Variants in CPNE3 observed in about 807,000 individuals in gnomAD.
CPNE3 encodes the protein copine-3.
CPNE3 carries 68 observed loss-of-function variants against 63.9 expected under a neutral mutation model. That is an observed-to-expected ratio of 1.06 (90% confidence interval 0.87 to 1.30). CPNE3 has a LOEUF of 1.30. Among genes scored for constraint, CPNE3 ranks in the 50% most tolerant of loss-of-function variants. CPNE3 has a pLI of 0.00. For synonymous variants in CPNE3, 219 were observed against 197.5 expected, an observed-to-expected ratio of 1.11 and a Z score of -0.91; for missense variants, 665 against 578.1, an observed-to-expected ratio of 1.15 and a Z score of -1.54.
intron 15 of CPNE3, among the ~76,000 whole-genome samples, chr8:86,555,389 A>G (rs1821299327): frequency 6.6e-6 from 1 of 152,222 alleles, no homozygotes; most frequent in African/African-American, 2.4e-5. Flanking sequence ...GTGGATACCA[A>G]ATTTCTCTTA....
At chr8:86,539,619 A>C (rs1820882227) in intron 7 of CPNE3, among the ~76,000 whole-genome samples, 1 of 150,902 alleles carries the variant, frequency 6.6e-6, no homozygotes, top group Non-Finnish European at 1.5e-5. Flanking sequence ...TGTGCCCTGC[A>C]ATGAAACCCT....
intron 2 of CPNE3, among the ~76,000 whole-genome samples, chr8:86,527,122 G>T (rs184299504): frequency 5.9e-4 from 89 of 152,086 alleles, no homozygotes; most frequent in Non-Finnish European, 1.0e-3. Context: ...TGTTTCTGTG[G>T]TCCTAGAACT....
chr8:86,559,794 T>A lies in CPNE3; in HGVS notation c.*1384T>A, dbSNP rs1821398484. 1.3e-5 allele frequency: 2 copies of A among 152,256 alleles called. No individual in the cohort carries two copies. The highest frequency in any genetic ancestry group is 4.8e-5 in the African/African-American group (2 of 41,476). The allele number at this position is 152,256 out of a possible 1,614,324, so 9.4% of individuals were successfully genotyped here. ...CTATATATTGGCCAATTATCTTTAA[T>A]AATTTACCTTTTGAAATTGCATGTT... On this transcript the variant is annotated 3_prime_UTR_variant, in exon 17 of 17. Coordinates refer to ENST00000517490, the MANE Select transcript of CPNE3 (RefSeq NM_003909.5).
chr8:86,523,165 C>G (rs1051663089), intron 2 of CPNE3, among the ~76,000 whole-genome samples: 1 of 152,144 alleles, frequency 6.6e-6, no homozygotes, highest in Non-Finnish European at 1.5e-5. Context: ...TACAGACCTA[C>G]AGTTGTCAGG....
intron 2 of CPNE3, among the ~76,000 whole-genome samples, chr8:86,526,505 T>C (rs1205283666): frequency 8.4e-6 from 1 of 118,624 alleles, no homozygotes; most frequent in Non-Finnish European, 1.6e-5. Context: ...TACATATTTT[T>C]TGTTTGTTTG....
intron 8 of CPNE3, among the ~76,000 whole-genome samples, chr8:86,544,295 G>A (rs952620530): frequency 1.3e-5 from 2 of 152,064 alleles, no homozygotes; most frequent in African/African-American, 4.8e-5. Context: ...AAGTATCTAG[G>A]ATTTAATTAT....
intron 15 of CPNE3, 116 bp downstream of exon 15, chr8:86,555,100 C>A: frequency 7.1e-7 from 1 of 1,407,444 alleles, no homozygotes; most frequent in Non-Finnish European, 9.5e-7. Flanking sequence ...TACAATAACA[C>A]AGTCATTCTT....
chr8:86,550,630 A>C (rs765046325), intron 12 of CPNE3, among the ~76,000 whole-genome samples: 19 of 152,178 alleles, frequency 1.2e-4, no homozygotes, highest in Non-Finnish European at 1.8e-4. Context: ...GCATAAATAA[A>C]AGCTACCAAT....
chr8:86,537,972 C>T (rs944600735), intron 7 of CPNE3, among the ~76,000 whole-genome samples: 6 of 112,672 alleles, frequency 5.3e-5, no homozygotes, highest in Middle Eastern at 5.0e-3. Context: ...CTCTGTCTCT[C>T]TCTCTCTCTC....
At chr8:86,522,299 G>A in intron 2 of CPNE3, among the ~76,000 whole-genome samples, 1 of 151,914 alleles carries the variant, frequency 6.6e-6, no homozygotes, top group Middle Eastern at 3.2e-3. Flanking sequence ...TTTCGTTTTT[G>A]CCTCCCCCAA....
At chr8:86,534,194 T>C (rs985781121) in intron 6 of CPNE3, among the ~76,000 whole-genome samples, 6 of 152,200 alleles carry the variant, frequency 3.9e-5, no homozygotes, top group Non-Finnish European at 8.8e-5. Flanking sequence ...TATTTTCTGA[T>C]TTCTGTAACC....
At chr8:86,555,110 T>C in intron 15 of CPNE3, 126 bp downstream of exon 15, 1 of 1,354,216 alleles carries the variant, frequency 7.4e-7, no homozygotes, top group Non-Finnish European at 9.8e-7. Context: ...CAGTCATTCT[T>C]GGTTTGGGAG....
intron 8 of CPNE3, among the ~76,000 whole-genome samples, chr8:86,543,436 C>T (rs749607222): frequency 9.9e-5 from 15 of 152,098 alleles, no homozygotes; most frequent in Non-Finnish European, 1.5e-5. Context: ...AAAATAGTCA[C>T]TTTGCCAAGT....
intron 9 of CPNE3, 25 bp downstream of exon 9, chr8:86,544,863 T>C: frequency 1.5e-6 from 2 of 1,369,308 alleles, no homozygotes; most frequent in South Asian, 2.5e-5. Flanking sequence ...TGCATTTGCA[T>C]ATACTTTATA....
intron 14 of CPNE3, among the ~76,000 whole-genome samples, chr8:86,552,632 A>C (rs991112747): frequency 1.3e-5 from 2 of 151,860 alleles, no homozygotes; most frequent in African/African-American, 4.8e-5. Flanking sequence ...GAGATACTAT[A>C]CAGCAAAAAG....
intron 2 of CPNE3, chr8:86,524,708 G>A (rs1008876901): frequency 2.9e-5 from 3 of 103,042 alleles, no homozygotes; most frequent in African/African-American, 1.0e-4. Context: ...TTTTGCGACA[G>A]GGTCTTGCTC....
chr8:86,537,438 A>G (rs1820823889), intron 6 of CPNE3, 125 bp from the exon 7 acceptor site: 2 of 645,392 alleles, frequency 3.1e-6, no homozygotes, highest in African/African-American at 1.8e-5. Context: ...GATGGGATGT[A>G]TATTTACTAT....
intron 2 of CPNE3, among the ~76,000 whole-genome samples, chr8:86,525,779 G>GT (rs1480957429): frequency 6.6e-6 from 1 of 152,030 alleles, no homozygotes; most frequent in Non-Finnish European, 1.5e-5. Context: ...TCCTCTACAT[G>GT]TTTTTTTGGG....
intron 14 of CPNE3, 119 bp downstream of exon 14, chr8:86,551,353 G>C (rs1270122910): frequency 5.5e-6 from 4 of 728,268 alleles, no homozygotes. Context: ...TCATCTCTAG[G>C]TTTCATTTTC....
Sources: gnomAD v4.1 joint callset for allele counts (sites outside exome capture counted in the v4.1 genomes callset) on GRCh38, gnomAD v4.1.1 for gene constraint, MANE v1.5 for transcripts, NCBI Gene and HGNC (gene_info 2026-07-23, HGNC 2026-07-21) for gene names.